ASH1L: variants seen among roughly 807,000 people sequenced by gnomAD.
The protein encoded by ASH1L is histone-lysine N-methyltransferase ASH1L.
In ASH1L, 23 loss-of-function variants were observed where a neutral mutation model predicts 269.0. The observed-to-expected ratio is 0.09, with a 90% CI of 0.06 to 0.12. ASH1L has a LOEUF of 0.12. Among genes scored for constraint, ASH1L ranks in the 10% least tolerant of loss-of-function variants. The pLI is 1.00. For synonymous variants in ASH1L, 1,187 were observed against 1,253.5 expected, an observed-to-expected ratio of 0.95 and a Z score of 1.12; for missense variants, 2,912 against 3,567.8, an observed-to-expected ratio of 0.82 and a Z score of 4.68.
intron 2 of ASH1L, among the ~76,000 whole-genome samples, chr1:155,499,529 T>C (rs1193737831): frequency 2.0e-5 from 3 of 152,216 alleles, no homozygotes; most frequent in Admixed American, 6.6e-5. Flanking sequence ...CATCTTGTCT[T>C]CCTATTAATG....
intron 12 of ASH1L, among the ~76,000 whole-genome samples, chr1:155,361,007 G>A (rs1654893739): frequency 1.3e-5 from 2 of 151,952 alleles, no homozygotes; most frequent in Admixed American, 6.6e-5. Flanking sequence ...TTGGGAGTCC[G>A]AGGCAGGTGG....
intron 21 of ASH1L, 45 bp from the exon 22 acceptor site, chr1:155,344,318 A>C (rs1433724695): frequency 7.2e-7 from 1 of 1,383,058 alleles, no homozygotes; most frequent in African/African-American, 1.4e-5. Context: ...GAATTACTAC[A>C]TTCAGCCTAC....
chr1:155,381,198 C>G (rs571929335), intron 7 of ASH1L, among the ~76,000 whole-genome samples: 1 of 152,130 alleles, frequency 6.6e-6, no homozygotes, highest in Admixed American at 6.5e-5. Context: ...GTCTTTGTTG[C>G]TGGTTTTATA....
At chr1:155,520,732 G>T (rs1290032377) in intron 2 of ASH1L, among the ~76,000 whole-genome samples, 1 of 151,812 alleles carries the variant, frequency 6.6e-6, no homozygotes, top group Non-Finnish European at 1.5e-5. Context: ...TGTGGTGGTG[G>T]GTGCCTGTAA....
chr1:155,499,575 C>A (rs1373978410), intron 2 of ASH1L, among the ~76,000 whole-genome samples: 1 of 152,180 alleles, frequency 6.6e-6, no homozygotes, highest in Non-Finnish European at 1.5e-5. Flanking sequence ...GTCATCTTAT[C>A]ATATAGGACC....
chr1:155,500,841 G>A lies in ASH1L; in HGVS notation c.421-18392C>T, dbSNP rs572386606. Among the ~76,000 whole-genome samples the A allele has an allele frequency of 1.5e-4, 23 of 152,264 alleles. No homozygotes were observed. In the East Asian group the frequency reaches 4.4e-3, roughly 29 times the overall value. On this transcript the variant is annotated intron_variant, in intron 2 of 27. Transcript: ENST00000392403. ...AAATTAGCCGAACATGGTGGCACAT[G>A]CCTGTAATCTCAGCTACTCAGGAGA...
At chr1:155,515,230 A>C (rs76439824) in intron 2 of ASH1L, among the ~76,000 whole-genome samples, 4 of 152,188 alleles carry the variant, frequency 2.6e-5, no homozygotes, top group East Asian at 3.9e-4. Flanking sequence ...CATGTCACAC[A>C]ATCAATGCTT....
At chr1:155,498,941 A>C (rs10908469) in intron 2 of ASH1L, among the ~76,000 whole-genome samples, 47,220 of 149,706 alleles carry the variant, frequency 0.32, 7,975 homozygotes, top group East Asian at 0.72. Context: ...AAAAGCCAAA[A>C]AGAAATATTA....
chr1:155,523,125 T>G (rs1174675115), intron 1 of ASH1L, among the ~76,000 whole-genome samples: 2 of 152,212 alleles, frequency 1.3e-5, no homozygotes, highest in Admixed American at 1.3e-4. Flanking sequence ...GAGAACATCT[T>G]ATCCCTTAGA....
At chr1:155,466,488 A>G (rs1006405723) in intron 3 of ASH1L, among the ~76,000 whole-genome samples, 1 of 152,158 alleles carries the variant, frequency 6.6e-6, no homozygotes, top group East Asian at 1.9e-4. Context: ...CACTAACCAC[A>G]CCACAAACAA....
At chr1:155,473,274 G>C (rs1051678563) in intron 3 of ASH1L, among the ~76,000 whole-genome samples, 1 of 152,092 alleles carries the variant, frequency 6.6e-6, no homozygotes, top group Non-Finnish European at 1.5e-5. Context: ...AGACTTTTCT[G>C]CAAGTGTTTT....
chr1:155,493,696 C>G (rs1272082612), intron 2 of ASH1L, among the ~76,000 whole-genome samples: 1 of 151,906 alleles, frequency 6.6e-6, no homozygotes, highest in Non-Finnish European at 1.5e-5. Flanking sequence ...GGTGAAACCC[C>G]ATCTCTACTA....
At chr1:155,484,848 G>A (rs1486775296) in intron 2 of ASH1L, among the ~76,000 whole-genome samples, 1 of 144,758 alleles carries the variant, frequency 6.9e-6, no homozygotes, top group Non-Finnish European at 1.5e-5. Context: ...AGAATTGCTT[G>A]AACCTGGGAG....
At chr1:155,380,191 G>C (rs867543884) in intron 7 of ASH1L, 75 bp from the exon 8 acceptor site, 4 of 1,082,522 alleles carry the variant, frequency 3.7e-6, no homozygotes, top group South Asian at 1.3e-5. Context: ...ACAGCTACAA[G>C]AACTAACATG....
At chr1:155,352,611 C>A in intron 17 of ASH1L, 95 bp downstream of exon 17, 2 of 1,304,966 alleles carry the variant, frequency 1.5e-6, no homozygotes. Context: ...CTGAGACTAG[C>A]CTGGGCAATA....
intron 6 of ASH1L, among the ~76,000 whole-genome samples, chr1:155,401,993 A>G (rs1003147431): frequency 6.6e-6 from 1 of 151,208 alleles, no homozygotes; most frequent in Admixed American, 6.6e-5. Context: ...GAGAGGCTGA[A>G]GCAGGAAAAC....
intron 6 of ASH1L, among the ~76,000 whole-genome samples, chr1:155,396,685 C>T (rs767909205): frequency 2.7e-5 from 4 of 150,656 alleles, no homozygotes; most frequent in African/African-American, 4.9e-5. Flanking sequence ...GACTTTTGGC[C>T]GGGCGCAGTG....
rs751862423 is a variant in ASH1L at position 155,521,444 on chromosome 1, T to C, written c.76A>G (p.Ile26Val). ...TTACTGACCAATGTGCCAGTACTGATGGCAGAAGGACTCTTTCTTGAAAAA... is the reference window on the plus strand; with the variant it reads ...TTACTGACCAATGTGCCAGTACTGACGGCAGAAGGACTCTTTCTTGAAAAA... ...EGFSRKSPSA[I>V]STGTLVSKRE... The change falls in exon 2 of 28, where the codon ATC (isoleucine) becomes GTC (valine). Residue 26 changes from isoleucine to valine, a missense_variant. Coordinates refer to ENST00000392403, the MANE Select transcript of ASH1L (RefSeq NM_018489.3). 1.9e-6 allele frequency: 3 copies of C among 1,614,020 alleles called. No homozygotes were observed. The highest frequency in any genetic ancestry group is 1.7e-6 in the Non-Finnish European group (2 of 1,180,010).
At chr1:155,402,371 A>C (rs1658929794) in intron 6 of ASH1L, among the ~76,000 whole-genome samples, 1 of 152,160 alleles carries the variant, frequency 6.6e-6, no homozygotes, top group Non-Finnish European at 1.5e-5. Flanking sequence ...GCACAACTTA[A>C]AATCCTCAAG....
Sources: gnomAD v4.1 joint callset for allele counts (sites outside exome capture counted in the v4.1 genomes callset) on GRCh38, gnomAD v4.1.1 for gene constraint, MANE v1.5 for transcripts, NCBI Gene and HGNC (gene_info 2026-07-23, HGNC 2026-07-21) for gene names.